DNAH9: variants seen among roughly 807,000 people sequenced by gnomAD.
DNAH9 encodes dynein axonemal heavy chain 9, also known as DNAH9 variant protein.
Under a neutral mutation model 471.6 loss-of-function variants are expected in DNAH9, and 345 were observed. That is an observed-to-expected ratio of 0.73 (90% CI 0.67 to 0.80). The LOEUF is 0.80. Ranked by LOEUF, DNAH9 falls within the 30% of genes least tolerant of loss-of-function variation. The pLI, the probability that DNAH9 is intolerant of heterozygous loss-of-function variation, is 0.00. For missense variants in DNAH9, 5,407 were observed against 5,609.2 expected (o/e 0.96, Z 1.15); for synonymous variants, 2,093 against 2,123.6 (o/e 0.99, Z 0.40).
At position 11,694,357 on chromosome 17, in the gene DNAH9, C is replaced by G. The variant is rs768355325; in HGVS notation, c.4782C>G (p.Leu1594=). 6.2e-7 allele frequency: 1 copy of G among 1,613,766 alleles called. No individual in the cohort carries two copies. Among genetic ancestry groups the G allele is most frequent in the African/African-American group, 1.3e-5 (1 of 74,852 alleles). The change falls in exon 22 of 69, where the codon CTC becomes CTG. Residue 1594 remains leucine (L), a synonymous_variant. Coordinates refer to ENST00000262442, the MANE Select transcript of DNAH9 (RefSeq NM_001372.4). ...CLCEKALAEY[L]DTKRLAFPRF... ...GTGAGAAGGCCCTGGCAGAGTACCT[C>G]GACACCAAGAGGCTTGCCTTCCCGC... is the stretch of plus-strand genomic sequence containing the variant.
intron 18 of DNAH9, 43 bp downstream of exon 18, chr17:11,680,022 C>T (rs1288087918): frequency 1.3e-6 from 2 of 1,511,968 alleles, no homozygotes; most frequent in African/African-American, 2.8e-5. Flanking sequence ...ATAGAGGAAA[C>T]ATTTTAGGAT....
At position 11,875,041 on chromosome 17, in the gene DNAH9, C is replaced by G. The variant is rs201370055; in HGVS notation, c.10335C>G (p.Ala3445=). 3 of 1,613,988 alleles carry G rather than the reference C, an allele frequency of 1.9e-6. No homozygotes were observed. The highest frequency in any genetic ancestry group is 2.5e-6 in the Non-Finnish European group (3 of 1,180,016). Residue 3445 remains alanine, a synonymous_variant, in exon 53 of 69, where the codon GCC becomes GCG. Coordinates refer to ENST00000262442, the MANE Select transcript of DNAH9 (RefSeq NM_001372.4). ...VAAWQNEGLP[A]DRMSVENATI... is the part of the protein sequence containing the mutation. ...CCTGGCAGAACGAGGGCCTCCCAGC[C>G]GACCGCATGTCCGTGGAGAATGCCA...
At position 11,632,448 on chromosome 17, in the gene DNAH9, C is replaced by G. The variant is rs1161401109; in HGVS notation, c.1519-139C>G. Reference sequence around the variant, plus strand: ...AACTCTACATGGCTAAAAATTAAGTCATGCCATGGTGAATTTCAGAAAATT... The same window carrying G: ...AACTCTACATGGCTAAAAATTAAGTGATGCCATGGTGAATTTCAGAAAATT... On this transcript the variant is annotated intron_variant, in intron 7 of 68. Coordinates refer to ENST00000262442, the MANE Select transcript of DNAH9 (RefSeq NM_001372.4). The G allele has an allele frequency of 5.0e-6, 3 of 597,712 alleles. No individual in the cohort carries two copies. In the African/African-American group the frequency reaches 5.5e-5, roughly 11 times the overall value. 37.0% of individuals were successfully genotyped at this position (597,712 alleles called of 1,614,324 possible).
chr17:11,711,388 C>T lies in DNAH9; in HGVS notation c.5552+6203C>T, dbSNP rs1335711197. 2.0e-5 allele frequency among the ~76,000 whole-genome samples: 3 copies of T among 152,078 alleles called. No individual in the cohort carries two copies. In the East Asian group the frequency reaches 5.8e-4, roughly 29 times the overall value. On this transcript the variant is annotated intron_variant, in intron 26 of 68. Transcript: ENST00000262442. ...TTTTGTTTTCAAAGTGACTAGTGGG[C>T]TTAATGTTTTTTGGTGAGTAATCAG...
At chr17:11,740,600 A>G (rs1452407665) in intron 29 of DNAH9, among the ~76,000 whole-genome samples, 1 of 152,328 alleles carries the variant, frequency 6.6e-6, no homozygotes, top group African/African-American at 2.4e-5. Flanking sequence ...ACACATACCC[A>G]TAGAAGGAAA....
At chr17:11,876,226 A>G (rs1972476626) in intron 53 of DNAH9, among the ~76,000 whole-genome samples, 2 of 152,216 alleles carry the variant, frequency 1.3e-5, no homozygotes, top group African/African-American at 4.8e-5. Flanking sequence ...TGATGTACAC[A>G]TGCAATGGAA....
chr17:11,785,566 C>T (rs1194259886), intron 41 of DNAH9, among the ~76,000 whole-genome samples: 1 of 152,108 alleles, frequency 6.6e-6, no homozygotes, highest in African/African-American at 2.4e-5. Flanking sequence ...GACTCAAGAG[C>T]TATGGACCAG....
At chr17:11,668,508 T>A (rs1480725370) in intron 15 of DNAH9, among the ~76,000 whole-genome samples, 1 of 151,880 alleles carries the variant, frequency 6.6e-6, no homozygotes, top group Non-Finnish European at 1.5e-5. Flanking sequence ...CTACTACAAA[T>A]ACAAAAATTA....
At chr17:11,864,502 A>G (rs1414113301) in intron 50 of DNAH9, among the ~76,000 whole-genome samples, 1 of 149,456 alleles carries the variant, frequency 6.7e-6, no homozygotes, top group Non-Finnish European at 1.5e-5. Flanking sequence ...TATTCTGTTG[A>G]TTTGGGGTGG....
At chr17:11,899,998 C>T (rs1973352765) in intron 59 of DNAH9, among the ~76,000 whole-genome samples, 1 of 152,040 alleles carries the variant, frequency 6.6e-6, no homozygotes, top group South Asian at 2.1e-4. Context: ...ATAGGAGCCC[C>T]CCAGGAAGGA....
rs138106960 is a variant in DNAH9, at chr17:11,779,877, C to T, written c.7553-1132C>T. Among the ~76,000 whole-genome samples, 64 of 152,256 alleles carry T rather than the reference C, an allele frequency of 4.2e-4. No individual in the cohort carries two copies. The East Asian group carries it at 7.5e-3, about 18-fold the overall frequency. On this transcript the variant is annotated intron_variant, in intron 38 of 68. Transcript: ENST00000262442. ...TGAAACACTTAATTTAACTCAGGACCAGAAAATTAGAATATTCGAGCTTCT... is the reference window on the plus strand; with the variant it reads ...TGAAACACTTAATTTAACTCAGGACTAGAAAATTAGAATATTCGAGCTTCT...
At chr17:11,827,776 CCCAGGCTCAAGCGATTCT>C (rs1489264981) in intron 48 of DNAH9, among the ~76,000 whole-genome samples, 1 of 152,074 alleles carries the variant, frequency 6.6e-6, no homozygotes, top group African/African-American at 2.4e-5. Flanking sequence ...ACCTCCGCCT[CCCAGGCTCAAGCGATTCT>C]CCTGCCTCAG....
intron 41 of DNAH9, among the ~76,000 whole-genome samples, chr17:11,788,717 T>C (rs922310856): frequency 2.6e-5 from 4 of 152,034 alleles, no homozygotes; most frequent in Non-Finnish European, 4.4e-5. Context: ...TTTCAATCCT[T>C]AAATTTTTTT....
intron 49 of DNAH9, among the ~76,000 whole-genome samples, chr17:11,847,117 T>C (rs1313395081): frequency 6.6e-6 from 1 of 152,216 alleles, no homozygotes; most frequent in Non-Finnish European, 1.5e-5. Flanking sequence ...TAGACTTTTG[T>C]CAGATCCAAG....
At position 11,969,337 on chromosome 17, in the gene DNAH9, C is replaced by G. The variant is rs139138621; in HGVS notation, c.13271C>G (p.Thr4424Arg). 3.0e-5 allele frequency: 49 copies of G among 1,614,078 alleles called. No homozygotes were observed. In the African/African-American group the frequency reaches 5.3e-4, roughly 18 times the overall value. ...IITEAKLKDL[T>R]PPMPVMFIKA... ...ACAGAGGCAAAGCTGAAGGATCTGA[C>G]ACCCCCTATGCCTGTGATGTTCATC... is the stretch of plus-strand genomic sequence containing the variant. Residue 4424 changes from threonine (T) to arginine (R), a missense_variant, in exon 69 of 69, where the codon ACA (threonine) becomes AGA (arginine). Thr to Arg is a moderately conservative substitution (Grantham distance 71, BLOSUM62 -1). Coordinates refer to ENST00000262442, the MANE Select transcript of DNAH9 (RefSeq NM_001372.4).
chr17:11,851,596 G>A (rs185527514), intron 49 of DNAH9, among the ~76,000 whole-genome samples: 18 of 152,278 alleles, frequency 1.2e-4, no homozygotes, highest in African/African-American at 3.6e-4. Flanking sequence ...GAGTTAGACC[G>A]TGTGCCTTCC....
Position 11,598,924 on chromosome 17 carries a change from G to T in DNAH9, c.417+9G>T. 1 of 1,500,744 alleles carries T rather than the reference G, an allele frequency of 6.7e-7. No homozygotes were observed. The highest frequency in any genetic ancestry group is 1.2e-5 in the South Asian group (1 of 82,076). 93.0% of individuals were successfully genotyped at this position (1,500,744 alleles called of 1,614,324 possible). A position where few individuals can be genotyped will look rare whatever the true frequency, so the allele number is the denominator to read the frequency against. ...CCGCGCTGTTCTCGGAGGTGAGGGT[G>T]GGTTAGTGTCCCCGCGCGGCTAAAG... On this transcript the variant is annotated intron_variant, in intron 1 of 68. Coordinates refer to ENST00000262442, the MANE Select transcript of DNAH9 (RefSeq NM_001372.4).
chr17:11,781,449 T>C (rs1384089109), intron 39 of DNAH9, among the ~76,000 whole-genome samples: 1 of 152,172 alleles, frequency 6.6e-6, no homozygotes, highest in Non-Finnish European at 1.5e-5. Context: ...AAGACTCATC[T>C]CCGAAGTTGC....
chr17:11,601,090 C>G (rs11653369), intron 1 of DNAH9, among the ~76,000 whole-genome samples: 14,049 of 152,194 alleles, frequency 0.092, 970 homozygotes, highest in East Asian at 0.24. Context: ...AGCATAATGT[C>G]CTCAAGGTTC....
Sources: allele counts gnomAD v4.1 joint callset (sites outside exome capture counted in the v4.1 genomes callset), GRCh38; gene constraint gnomAD v4.1.1; transcripts MANE v1.5; gene names NCBI Gene and HGNC (gene_info 2026-07-23, HGNC 2026-07-21).